Variants in ALG13 observed in about 807,000 individuals in gnomAD.
The protein encoded by ALG13 is UDP-N-acetylglucosamine transferase subunit ALG13.
Under a neutral mutation model 87.8 loss-of-function variants are expected in ALG13, and 11 were observed. The ratio of observed to expected loss-of-function variants is 0.13; its 90% CI spans 0.08 to 0.21. The LOEUF (loss-of-function observed/expected upper bound fraction) is 0.21, where lower values mean the gene tolerates loss of function less well. Among genes scored for constraint, ALG13 ranks in the 10% least tolerant of loss-of-function variants. The probability of loss-of-function intolerance (pLI) is 1.00; values close to 1 mark genes in which losing one functional copy is unlikely to be tolerated. For synonymous variants in ALG13, 320 were observed against 306.3 expected (o/e 1.04, Z -0.47); for missense variants, 756 against 866.1 (o/e 0.87, Z 1.60).
intron 24 of ALG13, among the ~76,000 whole-genome samples, chrX:111,745,531 T>G (rs1944160164): frequency 9.0e-6 from 1 of 110,689 alleles, no homozygotes; most frequent in Admixed American, 9.7e-5. Flanking sequence ...GCTTCTCTAT[T>G]TTTGCTTTTT....
At chrX:111,715,158 A>G (rs1432559466) in intron 8 of ALG13, among the ~76,000 whole-genome samples, 1 of 111,953 alleles carries the variant, frequency 8.9e-6, no homozygotes, top group Non-Finnish European at 1.9e-5. Context: ...CCCATTGGGA[A>G]CCATGAGAAT....
intron 1 of ALG13, 110 bp downstream of exon 1, chrX:111,681,409 C>A: frequency 8.6e-7 from 1 of 1,167,860 alleles, no homozygotes; most frequent in African/African-American, 1.8e-5. Flanking sequence ...AAGAAACCCC[C>A]GCAACTCTAC....
intron 23 of ALG13, among the ~76,000 whole-genome samples, chrX:111,739,253 T>C (rs1407162665): frequency 1.8e-5 from 2 of 111,486 alleles, no homozygotes; most frequent in African/African-American, 6.5e-5. Flanking sequence ...TCAGATCTCA[T>C]GAGAATTTAC....
intron 24 of ALG13, among the ~76,000 whole-genome samples, chrX:111,751,131 C>T (rs1348569094): frequency 2.0e-5 from 2 of 99,502 alleles, no homozygotes; most frequent in South Asian, 4.8e-4. Context: ...TGCAGTGGCG[C>T]GAGCTCAGCT....
chrX:111,727,861 G>T, intron 18 of ALG13, 91 bp downstream of exon 18: 3 of 936,644 alleles, frequency 3.2e-6, no homozygotes, highest in East Asian at 6.7e-5. Context: ...TTTAGATTTT[G>T]TACAAATAAC....
chrX:111,739,051 C>T (rs746676797), intron 23 of ALG13, among the ~76,000 whole-genome samples: 1 of 111,747 alleles, frequency 8.9e-6, no homozygotes, highest in East Asian at 2.8e-4. Context: ...TGTTTTCACA[C>T]TGCTATAAAG....
chrX:111,739,583 A>G (rs1943572350), intron 23 of ALG13, among the ~76,000 whole-genome samples: 1 of 112,526 alleles, frequency 8.9e-6, no homozygotes, highest in Admixed American at 9.4e-5. Flanking sequence ...CTTTGACAGC[A>G]TTGCTTTATG....
intron 19 of ALG13, among the ~76,000 whole-genome samples, chrX:111,728,661 G>C (rs747743000): frequency 9.0e-6 from 1 of 110,969 alleles, no homozygotes; most frequent in Non-Finnish European, 1.9e-5. Flanking sequence ...TAGGCTTTTC[G>C]TGTGACTGGC....
intron 7 of ALG13, 46 bp downstream of exon 7, chrX:111,712,576 G>A (rs1926323470): frequency 1.3e-6 from 1 of 791,744 alleles, no homozygotes; most frequent in African/African-American, 2.1e-5. Flanking sequence ...GTGCATGCAT[G>A]TGTGTATAAG....
intron 23 of ALG13, among the ~76,000 whole-genome samples, chrX:111,741,587 C>T (rs148027088): frequency 0.02 from 2,227 of 110,817 alleles, 28 homozygotes; most frequent in Non-Finnish European, 0.032. Flanking sequence ...CCGAGGTGGG[C>T]AGATCACCTG....
At chrX:111,699,455 T>C (rs767410186) in intron 3 of ALG13, among the ~76,000 whole-genome samples, 102 of 111,944 alleles carry the variant, frequency 9.1e-4, no homozygotes, top group African/African-American at 3.1e-3. Context: ...ATTCAAAGAA[T>C]CATTGCCCAA....
chrX:111,684,545 G>C (rs1459757203), intron 2 of ALG13, among the ~76,000 whole-genome samples: 1 of 110,940 alleles, frequency 9.0e-6, no homozygotes, highest in African/African-American at 3.3e-5. Context: ...GAGTGGTCTT[G>C]AACTCCTGGG....
chrX:111,706,873 G>A, intron 3 of ALG13: 1 of 106,355 alleles, frequency 9.4e-6, no homozygotes. Context: ...ATAAAATATT[G>A]CTGCTTTTCC....
At position 111,708,370 on chromosome X, in the gene ALG13, C is replaced by G; in HGVS notation, c.727C>G (p.Leu243Val). The change falls in exon 4 of 27, where the codon CTC becomes GTC. Residue 243 changes from leucine (L) to valine (V), a missense_variant. Physicochemically the swap from Leu to Val is conservative, Grantham distance 32. Transcript: ENST00000394780. ...RKLTAKDASC[L>V]FRAISEQLFC... ...GCTGACTGCCAAGGATGCCTCTTGC[C>G]TCTTTCGGGCCATTTCGGAGCAGGT... is the stretch of plus-strand genomic sequence containing the variant. The G allele has an allele frequency of 8.3e-7, 1 of 1,210,802 alleles. No homozygotes were observed. The highest frequency in any genetic ancestry group is 1.1e-6 in the Non-Finnish European group (1 of 894,914).
At chrX:111,741,602 C>A (rs1327775695) in intron 23 of ALG13, among the ~76,000 whole-genome samples, 3 of 111,206 alleles carry the variant, frequency 2.7e-5, no homozygotes, top group African/African-American at 9.8e-5. Context: ...CACCTGAGGT[C>A]AGGAGTTCGA....
chrX:111,740,027 C>T (rs1156476826), intron 23 of ALG13, among the ~76,000 whole-genome samples: 5 of 111,078 alleles, frequency 4.5e-5, no homozygotes, highest in Admixed American at 9.5e-5. Context: ...CAATTAGAGA[C>T]ATAAGACGTG....
At chrX:111,724,258 A>T (rs939605554) in intron 14 of ALG13, among the ~76,000 whole-genome samples, 1 of 111,994 alleles carries the variant, frequency 8.9e-6, no homozygotes, top group Non-Finnish European at 1.9e-5. Flanking sequence ...CATGCACCAG[A>T]ATTACCTGGA....
chrX:111,695,013 A>C (rs1936749808), intron 3 of ALG13, among the ~76,000 whole-genome samples: 1 of 112,276 alleles, frequency 8.9e-6, no homozygotes, highest in African/African-American at 3.2e-5. Context: ...GAATTCACAG[A>C]ATATAGTCCT....
rs749281717 is a variant in ALG13, at chrX:111,730,494, G to C, written c.2402-31G>C. ...ATAGAATTTCAAGCTATAAAATAAT[G>C]CTCATTTTTTACTTTGGCTATATTC... On this transcript the variant is annotated intron_variant, in intron 20 of 26. Coordinates refer to ENST00000394780, the MANE Select transcript of ALG13 (RefSeq NM_001099922.3). The C allele has an allele frequency of 2.3e-5, 27 of 1,192,762 alleles. No individual in the cohort carries two copies. In the African/African-American group the frequency reaches 4.4e-4, roughly 19 times the overall value.
Sources: gnomAD v4.1 joint callset for allele counts (sites outside exome capture counted in the v4.1 genomes callset) on GRCh38, gnomAD v4.1.1 for gene constraint, MANE v1.5 for transcripts, NCBI Gene and HGNC (gene_info 2026-07-23, HGNC 2026-07-21) for gene names.